The following ME1 variants were observed in gnomAD, a reference collection of about 807,000 sequenced individuals.
The protein encoded by ME1 is NADP-dependent malic enzyme.
A neutral mutation model predicts 66.4 loss-of-function variants in ME1; 74 were observed. The ratio of observed to expected loss-of-function variants is 1.11; its 90% CI spans 0.92 to 1.35. ME1 has a LOEUF of 1.35. ME1 is among the 40% of genes most tolerant of loss of function. The pLI, the probability that ME1 is intolerant of heterozygous loss-of-function variation, is 0.00. For missense variants in ME1, 750 were observed against 694.1 expected, an observed-to-expected ratio of 1.08 and a Z score of -0.90; for synonymous variants, 251 against 235.6, an observed-to-expected ratio of 1.07 and a Z score of -0.60.
At chr6:83,217,596 G>A (rs190908280) in intron 12 of ME1, among the ~76,000 whole-genome samples, 81 of 152,282 alleles carry the variant, frequency 5.3e-4, no homozygotes, top group African/African-American at 1.8e-3. Context: ...AGACGGCTTA[G>A]GCTAATGGTG....
chr6:83,382,128 G>A (rs1262695678), intron 3 of ME1, among the ~76,000 whole-genome samples: 1 of 151,410 alleles, frequency 6.6e-6, no homozygotes, highest in African/African-American at 2.4e-5. Flanking sequence ...TAACTATACT[G>A]TGAAAGGAAA....
chr6:83,388,799 G>C (rs746188780), intron 3 of ME1, among the ~76,000 whole-genome samples: 2 of 152,030 alleles, frequency 1.3e-5, no homozygotes, highest in African/African-American at 4.8e-5. Context: ...CATTCTGTTT[G>C]CCAAAATCAA....
chr6:83,354,426 T>C (rs772554028), intron 3 of ME1, among the ~76,000 whole-genome samples: 1 of 152,192 alleles, frequency 6.6e-6, no homozygotes, highest in Non-Finnish European at 1.5e-5. Flanking sequence ...GCTACGGCAC[T>C]TGGCCTCTCG....
chr6:83,385,509 T>C lies in ME1; in HGVS notation c.362+12858A>G, dbSNP rs1416102350. Among the ~76,000 whole-genome samples, 7 of 151,938 alleles carry C rather than the reference T, an allele frequency of 4.6e-5. 1 individual carries two copies. Among genetic ancestry groups the C allele is most frequent in the African/African-American group, 1.7e-4 (7 of 41,298 alleles). On this transcript the variant is annotated intron_variant, in intron 3 of 13. Transcript: ENST00000369705. ...TAAATTTCCATTCAAGTTTTCCACATTTAAAATCTCTAGATGAATATGGAG... is the reference window on the plus strand; with the variant it reads ...TAAATTTCCATTCAAGTTTTCCACACTTAAAATCTCTAGATGAATATGGAG...
intron 6 of ME1, among the ~76,000 whole-genome samples, chr6:83,290,189 T>C (rs1390899393): frequency 6.6e-6 from 1 of 152,178 alleles, no homozygotes; most frequent in Admixed American, 6.5e-5. Flanking sequence ...ATGTTTGCTC[T>C]TGCTTCTCTA....
chr6:83,284,048 GTGA>G (rs1767354361), intron 6 of ME1, among the ~76,000 whole-genome samples: 1 of 152,066 alleles, frequency 6.6e-6, no homozygotes. Flanking sequence ...AACAACAAAG[GTGA>G]TGTTGCAACC....
intron 3 of ME1, among the ~76,000 whole-genome samples, chr6:83,365,193 A>G (rs986886081): frequency 4.6e-5 from 7 of 152,140 alleles, no homozygotes; most frequent in Admixed American, 6.6e-5. Context: ...CCCGGGTTCA[A>G]CCAATTCTCC....
chr6:83,381,207 A>G (rs562375261), intron 3 of ME1, among the ~76,000 whole-genome samples: 132 of 152,210 alleles, frequency 8.7e-4, no homozygotes, highest in African/African-American at 3.1e-3. Flanking sequence ...TAATTAAAAA[A>G]TAGGTGCACA....
chr6:83,319,392 G>T (rs1277436531), intron 5 of ME1, among the ~76,000 whole-genome samples: 4 of 152,024 alleles, frequency 2.6e-5, no homozygotes, highest in Non-Finnish European at 5.9e-5. Flanking sequence ...ACTCTGACAT[G>T]CCAGCCAACA....
At chr6:83,279,357 G>C (rs1767247551) in intron 6 of ME1, among the ~76,000 whole-genome samples, 1 of 152,178 alleles carries the variant, frequency 6.6e-6, no homozygotes, top group Non-Finnish European at 1.5e-5. Flanking sequence ...ATGAGATTCA[G>C]ATATAGTGGA....
At chr6:83,417,854 TTTG>T (rs1250243409) in intron 1 of ME1, among the ~76,000 whole-genome samples, 4 of 152,340 alleles carry the variant, frequency 2.6e-5, no homozygotes, top group African/African-American at 7.2e-5. Flanking sequence ...TGTAAATATA[TTTG>T]TTAATATTTT....
rs755557179 is a variant in ME1, at chr6:83,211,940, G to T, written c.1703C>A (p.Thr568Asn). Residue 568 changes from threonine (T) to asparagine (N), a missense_variant, in exon 14 of 14, where the codon ACC (threonine) becomes AAC (asparagine). Thr to Asn is a moderately conservative substitution (Grantham distance 65). Coordinates refer to ENST00000369705, the MANE Select transcript of ME1 (RefSeq NM_002395.6). ...GCTATTATCCTACTGGTCAACTTTG[G>T]TCTGTATTTTCTGCACCTCTTCAGG... ...SWPEEVQKIQ[T>N]KVDQ The T allele has an allele frequency of 1.9e-6, 3 of 1,596,276 alleles. No homozygotes were observed. The highest frequency in any genetic ancestry group is 2.7e-5 in the African/African-American group (2 of 74,432).
chr6:83,360,893 T>G (rs1768996067), intron 3 of ME1, among the ~76,000 whole-genome samples: 1 of 152,238 alleles, frequency 6.6e-6, no homozygotes, highest in South Asian at 2.1e-4. Context: ...TCCTGGTTCC[T>G]GGTATGCAGC....
chr6:83,243,580 TTATATCGATATAATCTATTATAATTAC>T (rs1255594227), intron 7 of ME1, among the ~76,000 whole-genome samples: 1,037 of 56,888 alleles, frequency 0.018, 111 homozygotes, highest in African/African-American at 0.051. Flanking sequence ...TATAATTACA[TTATATCGATATAATCTATTATAATTAC>T]ATTATATCGA....
chr6:83,259,632 C>T (rs1562462194), intron 6 of ME1, among the ~76,000 whole-genome samples: 1 of 152,152 alleles, frequency 6.6e-6, no homozygotes, highest in African/African-American at 2.4e-5. Flanking sequence ...CCGAAGTTGA[C>T]ACAAATTATC....
Position 83,239,570 on chromosome 6 carries a change from T to A in ME1, c.881A>T (p.Asp294Val). ...AGCTCCTTGGAATAGTATTGTTTGA[T>A]CAGACAGTTTGTTCTTGGTTATTCG... is the stretch of plus-strand genomic sequence containing the variant. ...ALRITKNKLS[D>V]QTILFQGAGE... Residue 294 changes from aspartate to valine, a missense_variant, in exon 8 of 14, where the codon GAT becomes GTT. Coordinates refer to ENST00000369705, the MANE Select transcript of ME1 (RefSeq NM_002395.6). The A allele has an allele frequency of 6.2e-7, 1 of 1,613,348 alleles. No homozygotes were observed. The highest frequency in any genetic ancestry group is 8.5e-7 in the Non-Finnish European group (1 of 1,179,410).
chr6:83,262,976 T>C (rs1046650095), intron 6 of ME1, among the ~76,000 whole-genome samples: 1 of 152,222 alleles, frequency 6.6e-6, no homozygotes, highest in South Asian at 2.1e-4. Context: ...TTTTTACAAA[T>C]TGAAGATTTG....
chr6:83,301,956 A>T (rs1318562279), intron 6 of ME1, among the ~76,000 whole-genome samples: 1 of 152,140 alleles, frequency 6.6e-6, no homozygotes, highest in African/African-American at 2.4e-5. Context: ...GTATGTACCC[A>T]AAAGAATATA....
chr6:83,307,600 GTT>G (rs990918276), intron 6 of ME1, among the ~76,000 whole-genome samples: 6 of 152,124 alleles, frequency 3.9e-5, no homozygotes, highest in Non-Finnish European at 7.4e-5. Context: ...AATCACGTAA[GTT>G]ATAAATATAT....
Sources: allele counts gnomAD v4.1 joint callset (sites outside exome capture counted in the v4.1 genomes callset), GRCh38; gene constraint gnomAD v4.1.1; transcripts MANE v1.5; gene names NCBI Gene and HGNC (gene_info 2026-07-23, HGNC 2026-07-21).